Variants in TXNDC5 observed in about 807,000 individuals in gnomAD.
TXNDC5 encodes thioredoxin domain containing 5.
In TXNDC5, 44 loss-of-function variants were observed where a neutral mutation model predicts 52.6. That is an observed-to-expected ratio of 0.84 (90% confidence interval 0.66 to 1.08). The LOEUF is 1.08. Among genes scored for constraint, TXNDC5 ranks in the 50% least tolerant of loss-of-function variants. The probability of loss-of-function intolerance (pLI) is 0.00; values close to 1 mark genes in which losing one functional copy is unlikely to be tolerated. For missense variants in TXNDC5, 600 were observed against 565.5 expected (o/e 1.06, Z -0.62); for synonymous variants, 241 against 234.4 (o/e 1.03, Z -0.26).
Position 7,889,480 on chromosome 6 carries a change from G to GA in TXNDC5, c.819+14dup. On this transcript the variant is annotated intron_variant, in intron 6 of 9. Transcript: ENST00000379757. The stretch of plus-strand genomic sequence containing the variant: ...AGAGATGAAGAATTCTCAGTACTAA[G>GA]AAGTGCAGACGTACCTTTTTCCCAT... 6.2e-7 allele frequency: 1 copy of GA among 1,611,400 alleles called. No individual in the cohort carries two copies. Among genetic ancestry groups the GA allele is most frequent in the Non-Finnish European group, 8.5e-7 (1 of 1,177,712 alleles).
rs1369865934 is a variant in TXNDC5, at chr6:7,904,640, A to G, written c.347T>C (p.Val116Ala). ...YNSMEDAKVY[V>A]AKVDCTAHSD... ...GTGGGCCGTGCAGTCCACTTTAGCC[A>G]CATAGACTTTGGCATCTTCCATGCT... is the stretch of plus-strand genomic sequence containing the variant. Residue 116 changes from valine to alanine, a missense_variant, in exon 2 of 10, where the codon GTG (valine) becomes GCG (alanine). Physicochemically the swap from Val to Ala is moderately conservative, Grantham distance 64. Coordinates refer to ENST00000379757, the MANE Select transcript of TXNDC5 (RefSeq NM_030810.5). The G allele has an allele frequency of 1.2e-6, 2 of 1,614,162 alleles. No homozygotes were observed. Among genetic ancestry groups the G allele is most frequent in the Admixed American group, 1.7e-5 (1 of 60,028 alleles).
Position 7,888,851 on chromosome 6 carries a change from G to C in TXNDC5, c.820-3C>G. The C allele has an allele frequency of 6.2e-7, 1 of 1,605,498 alleles. No homozygotes were observed. Among genetic ancestry groups the C allele is most frequent in the Non-Finnish European group, 8.5e-7 (1 of 1,175,624 alleles). ...CGCTTTCCCTTGTACTGATCCACCT[G>C]GCCAAGACACGGGCACGCGGCTGAG... On this transcript the variant is annotated splice_region_variant and splice_polypyrimidine_tract_variant and intron_variant, in intron 6 of 9. Transcript: ENST00000379757.
intron 1 of TXNDC5, among the ~76,000 whole-genome samples, chr6:7,905,860 C>G (rs1014257017): frequency 6.6e-6 from 1 of 152,200 alleles, no homozygotes; most frequent in Non-Finnish European, 1.5e-5. Context: ...TATATGAACA[C>G]TCAACGCTTA....
chr6:7,889,662 G>A lies in TXNDC5; in HGVS notation c.733-81C>T, dbSNP rs1038928270. 50 of 1,061,756 alleles carry A rather than the reference G, an allele frequency of 4.7e-5. 1 individual carries two copies. Among genetic ancestry groups the A allele is most frequent in the Non-Finnish European group, 5.9e-5 (42 of 715,564 alleles). 65.8% of individuals were successfully genotyped at this position (1,061,756 alleles called of 1,614,324 possible). On this transcript the variant is annotated intron_variant, in intron 5 of 9. Transcript: ENST00000379757. Reference sequence around the variant, plus strand: ...AATGGGGCTACTGGACACTTTGTACGTTACAAATATTCTTTTCAAAATCCA... The same window carrying A: ...AATGGGGCTACTGGACACTTTGTACATTACAAATATTCTTTTCAAAATCCA...
chr6:7,910,421 G>A (rs541250323), intron 1 of TXNDC5, 93 bp downstream of exon 1: 31 of 1,209,566 alleles, frequency 2.6e-5, no homozygotes, highest in South Asian at 1.4e-4. Context: ...CGGCGTCCAC[G>A]TGGCCCCGGG....
chr6:7,904,865 C>G, intron 1 of TXNDC5, 142 bp from the exon 2 acceptor site: 1 of 881,372 alleles, frequency 1.1e-6, no homozygotes, highest in Non-Finnish European at 1.7e-6. Context: ...GACCAGTACT[C>G]CAGGACCTCT....
At chr6:7,894,835 C>G in intron 4 of TXNDC5, 1 of 985,426 alleles carries the variant, frequency 1.0e-6, no homozygotes, top group Non-Finnish European at 1.2e-6. Flanking sequence ...TCAATAAACA[C>G]TCTTAGCCAA....
Position 7,891,731 on chromosome 6 carries a change from G to A in TXNDC5, c.622C>T (p.His208Tyr), listed in dbSNP as rs747369398. 1.7e-5 allele frequency: 27 copies of A among 1,613,212 alleles called. No individual in the cohort carries two copies. The highest frequency in any genetic ancestry group is 1.7e-6 in the Non-Finnish European group (2 of 1,179,508). ...NFELHVAQGD[H>Y]FIKFFAPWCG... ...CACGGAGCGAAGAACTTGATAAAGT[G>A]GTCGCCTGGAGTGGAGAGCCAAGGC... Residue 208 changes from histidine to tyrosine, a missense_variant, in exon 5 of 10, where the codon CAC becomes TAC. Physicochemically the swap from His to Tyr is moderately conservative, Grantham distance 83. Coordinates refer to ENST00000379757, the MANE Select transcript of TXNDC5 (RefSeq NM_030810.5).
At chr6:7,903,606 T>G (rs1170419693) in intron 2 of TXNDC5, among the ~76,000 whole-genome samples, 2 of 152,230 alleles carry the variant, frequency 1.3e-5, no homozygotes, top group African/African-American at 4.8e-5. Context: ...ATCCCTCCAC[T>G]TTTCTGCCTC....
chr6:7,888,548 T>TA (rs1429152618), intron 7 of TXNDC5, among the ~76,000 whole-genome samples, 157 bp downstream of exon 7: 1 of 151,574 alleles, frequency 6.6e-6, no homozygotes, highest in Admixed American at 6.6e-5. Flanking sequence ...CGATGAAAAA[T>TA]ACGTGTTGAA....
intron 1 of TXNDC5, among the ~76,000 whole-genome samples, chr6:7,909,057 T>C (rs1328896025): frequency 6.6e-6 from 1 of 152,226 alleles, no homozygotes; most frequent in Non-Finnish European, 1.5e-5. Flanking sequence ...CTTAGGAATG[T>C]GAAACATAAT....
chr6:7,904,781 A>G, intron 1 of TXNDC5, 58 bp from the exon 2 acceptor site: 1 of 1,608,080 alleles, frequency 6.2e-7, no homozygotes, highest in South Asian at 1.1e-5. Context: ...CAGCTGGCCC[A>G]CAACTTCAGC....
intron 1 of TXNDC5, 86 bp downstream of exon 1, chr6:7,910,428 C>T (rs1760879763): frequency 6.4e-6 from 8 of 1,242,112 alleles, no homozygotes; most frequent in South Asian, 2.5e-5. Context: ...CACGTGGCCC[C>T]GGGACCCCCC....
rs2113308162 is a variant in TXNDC5 at position 7,882,738 on chromosome 6, C to T, written c.*406G>A. The T allele has an allele frequency of 1.1e-5, 2 of 184,764 alleles. No individual in the cohort carries two copies. The highest frequency in any genetic ancestry group is 2.4e-4 in the South Asian group (2 of 8,200). The allele number at this position is 184,764 out of a possible 1,614,324, so 11.4% of individuals were successfully genotyped here. A position where few individuals can be genotyped will look rare whatever the true frequency, so the allele number is the denominator to read the frequency against. ...CAATACTGCCACAAGGCCACCTTTC[C>T]AGAACTCGTGGGCAGGTAAACTATG... On this transcript the variant is annotated 3_prime_UTR_variant, in exon 10 of 10. Coordinates refer to ENST00000379757, the MANE Select transcript of TXNDC5 (RefSeq NM_030810.5).
At chr6:7,891,822 G>T in intron 4 of TXNDC5, 86 bp from the exon 5 acceptor site, 2 of 961,890 alleles carry the variant, frequency 2.1e-6, no homozygotes, top group Non-Finnish European at 3.2e-6. Context: ...TGAAGAATCA[G>T]ATCTTTGTCC....
chr6:7,889,111 T>G, intron 6 of TXNDC5: 1 of 480,852 alleles, frequency 2.1e-6, no homozygotes, highest in Non-Finnish European at 3.6e-6. Flanking sequence ...CAGCAAGCCG[T>G]TGTGCTGATG....
At position 7,883,058 on chromosome 6, in the gene TXNDC5, C is replaced by G; in HGVS notation, c.*86G>C. 3 of 1,589,460 alleles carry G rather than the reference C, an allele frequency of 1.9e-6. No individual in the cohort carries two copies. Among genetic ancestry groups the G allele is most frequent in the Non-Finnish European group, 2.6e-6 (3 of 1,163,324 alleles). On this transcript the variant is annotated 3_prime_UTR_variant, in exon 10 of 10. Transcript: ENST00000379757. Reference sequence around the variant, plus strand: ...TGTTCTGCTTTCTGAACAGCCACCACTGGGAACCCAGTGGCCTCTGTGGGA... The same window carrying G: ...TGTTCTGCTTTCTGAACAGCCACCAGTGGGAACCCAGTGGCCTCTGTGGGA...
At chr6:7,901,653 CAG>C (rs1165057092) in intron 2 of TXNDC5, among the ~76,000 whole-genome samples, 2 of 152,096 alleles carry the variant, frequency 1.3e-5, no homozygotes, top group African/African-American at 4.8e-5. Context: ...TCACTGTCGA[CAG>C]GGGTGAGGGA....
chr6:7,888,878 G>A (rs1306860180), intron 6 of TXNDC5, 30 bp from the exon 7 acceptor site: 1 of 1,579,020 alleles, frequency 6.3e-7, no homozygotes, highest in East Asian at 2.3e-5. Flanking sequence ...GCGGCTGAGT[G>A]AGTCCACTGA....
Sources: gnomAD v4.1 joint callset for allele counts (sites outside exome capture counted in the v4.1 genomes callset) on GRCh38, gnomAD v4.1.1 for gene constraint, MANE v1.5 for transcripts, NCBI Gene and HGNC (gene_info 2026-07-23, HGNC 2026-07-21) for gene names.